DMD: variants seen among roughly 807,000 people sequenced by gnomAD.
DMD encodes mutant dystrophin.
DMD carries 63 observed loss-of-function variants against 330.1 expected under a neutral mutation model. The ratio of observed to expected loss-of-function variants is 0.19; its 90% CI spans 0.16 to 0.24. The LOEUF (loss-of-function observed/expected upper bound fraction) is 0.24. DMD is among the 10% of genes least tolerant of loss of function. DMD has a pLI of 1.00. For missense variants in DMD, 3,344 were observed against 2,684.1 expected (o/e 1.25, Z -5.43); for synonymous variants, 1,223 against 959.8 (o/e 1.27, Z -5.07).
chrX:31,145,864 T>C (rs747906023), intron 76 of DMD, among the ~76,000 whole-genome samples: 1 of 111,609 alleles, frequency 9.0e-6, no homozygotes, highest in African/African-American at 3.3e-5. Context: ...GGTTTCACCA[T>C]ATTGGCCGGG....
chrX:33,209,506 T>C (rs745612524), intron 1 of DMD, among the ~76,000 whole-genome samples: 1 of 112,030 alleles, frequency 8.9e-6, no homozygotes, highest in Non-Finnish European at 1.9e-5. Flanking sequence ...TGATCTCTTT[T>C]AAAGGGTAAC....
intron 1 of DMD, among the ~76,000 whole-genome samples, chrX:33,123,727 T>TC (rs1410149657): frequency 1.0e-5 from 1 of 97,955 alleles, no homozygotes; most frequent in Non-Finnish European, 2.0e-5. Flanking sequence ...TCAAATGAGT[T>TC]TTTTTTTTTT....
At chrX:32,873,889 C>T (rs780174445) in intron 2 of DMD, among the ~76,000 whole-genome samples, 17 of 112,331 alleles carry the variant, frequency 1.5e-4, no homozygotes, top group Non-Finnish European at 2.8e-4. Context: ...AGGAACCTAA[C>T]AAGTCCTTTG....
intron 44 of DMD, among the ~76,000 whole-genome samples, chrX:32,073,048 G>A (rs1480385674): frequency 1.8e-5 from 2 of 111,823 alleles, no homozygotes; most frequent in East Asian, 2.8e-4. Flanking sequence ...ATAAACACAA[G>A]GCCAGTCTGC....
intron 7 of DMD, among the ~76,000 whole-genome samples, chrX:32,734,141 C>T (rs1177272411): frequency 8.1e-4 from 88 of 108,197 alleles, no homozygotes; most frequent in African/African-American, 2.2e-3. Flanking sequence ...AACACCTCTA[C>T]GCAAATAAAC....
At chrX:32,307,123 A>G (rs931569949) in intron 42 of DMD, among the ~76,000 whole-genome samples, 3 of 111,184 alleles carry the variant, frequency 2.7e-5, no homozygotes, top group African/African-American at 9.8e-5. Flanking sequence ...TGTCCTAGAT[A>G]GAGTTCCCCT....
At chrX:31,658,888 G>A (rs181501168) in intron 53 of DMD, among the ~76,000 whole-genome samples, 94 of 111,784 alleles carry the variant, frequency 8.4e-4, no homozygotes, top group Middle Eastern at 4.6e-3. Flanking sequence ...TTCTGCAAGT[G>A]CAGAGAGGAG....
At chrX:31,297,681 A>G (rs1272745885) in intron 62 of DMD, among the ~76,000 whole-genome samples, 1 of 112,475 alleles carries the variant, frequency 8.9e-6, no homozygotes, top group Non-Finnish European at 1.9e-5. Flanking sequence ...TTATAAATAC[A>G]GACACCTGCT....
intron 15 of DMD, among the ~76,000 whole-genome samples, chrX:32,571,429 G>T (rs939010749): frequency 8.1e-5 from 9 of 111,329 alleles, no homozygotes; most frequent in African/African-American, 2.9e-4. Flanking sequence ...TCACTTTTGT[G>T]ATACCACTTT....
At chrX:33,125,502 T>A (rs761022509) in intron 1 of DMD, among the ~76,000 whole-genome samples, 13 of 111,716 alleles carry the variant, frequency 1.2e-4, no homozygotes, top group African/African-American at 4.2e-4. Flanking sequence ...AAGTCAATTA[T>A]CCATATTAAA....
chrX:32,223,350 C>CA (rs911497384), intron 43 of DMD, among the ~76,000 whole-genome samples: 1 of 111,704 alleles, frequency 9.0e-6, no homozygotes, highest in Non-Finnish European at 1.9e-5. Context: ...AAGGAGCCCT[C>CA]ATGGCCTAAT....
chrX:31,762,789 G>A (rs926946771), intron 51 of DMD, among the ~76,000 whole-genome samples: 4 of 104,537 alleles, frequency 3.8e-5, no homozygotes, highest in African/African-American at 1.4e-4. Context: ...TCTTAACAGA[G>A]TAAACTGGAA....
intron 47 of DMD, among the ~76,000 whole-genome samples, chrX:31,910,652 A>G (rs929797309): frequency 4.5e-5 from 5 of 112,324 alleles, no homozygotes; most frequent in Non-Finnish European, 9.4e-5. Context: ...CAGGAGGCCA[A>G]GATGGATCTT....
At chrX:31,847,346 C>T (rs2093444779) in intron 48 of DMD, among the ~76,000 whole-genome samples, 1 of 111,425 alleles carries the variant, frequency 9.0e-6, no homozygotes. Flanking sequence ...AGAACTGGAC[C>T]TCTAATTAAA....
At chrX:32,411,623 T>C in intron 30 of DMD, 129 bp downstream of exon 30, 2 of 742,879 alleles carry the variant, frequency 2.7e-6, no homozygotes, top group Non-Finnish European at 4.1e-6. Flanking sequence ...TACCTCCAAA[T>C]AGTCAAATCA....
At chrX:32,708,349 G>A (rs1428388573) in intron 7 of DMD, among the ~76,000 whole-genome samples, 2 of 108,218 alleles carry the variant, frequency 1.8e-5, no homozygotes, top group African/African-American at 3.4e-5. Context: ...AGCTTAGCCT[G>A]TTGAGGCAAA....
intron 47 of DMD, among the ~76,000 whole-genome samples, chrX:31,877,504 A>G (rs925296709): frequency 8.9e-6 from 1 of 112,180 alleles, no homozygotes; most frequent in Non-Finnish European, 1.9e-5. Context: ...CTTGCCTCTC[A>G]TTCCTGGCAG....
At chrX:32,473,824 C>A (rs1204094395) in intron 21 of DMD, among the ~76,000 whole-genome samples, 2 of 110,120 alleles carry the variant, frequency 1.8e-5, no homozygotes, top group Admixed American at 9.7e-5. Flanking sequence ...CTCTATTAAC[C>A]TGATGCATTT....
intron 43 of DMD, among the ~76,000 whole-genome samples, chrX:32,246,242 T>C (rs1361622621): frequency 1.1e-5 from 1 of 90,207 alleles, no homozygotes; most frequent in Non-Finnish European, 2.2e-5. Context: ...TGTCTTTGGC[T>C]CTGTTTATAT....
Sources: gnomAD v4.1 joint callset for allele counts (sites outside exome capture counted in the v4.1 genomes callset) on GRCh38, gnomAD v4.1.1 for gene constraint, MANE v1.5 for transcripts, NCBI Gene and HGNC (gene_info 2026-07-23, HGNC 2026-07-21) for gene names.